PASK: variants seen among roughly 807,000 people sequenced by gnomAD.
The protein encoded by PASK is PAS domain-containing serine/threonine-protein kinase.
Under a neutral mutation model 121.0 loss-of-function variants are expected in PASK, and 110 were observed. That is an observed-to-expected ratio of 0.91 (90% CI 0.78 to 1.06). The LOEUF (loss-of-function observed/expected upper bound fraction) is 1.06. Ranked by LOEUF, PASK falls within the 50% of genes least tolerant of loss-of-function variation. PASK has a pLI of 0.00. For missense variants in PASK, 1,643 were observed against 1,702.3 expected (o/e 0.97, Z 0.61); for synonymous variants, 686 against 717.8 (o/e 0.96, Z 0.71).
chr2:241,135,380 T>G (rs1327194217), intron 8 of PASK, among the ~76,000 whole-genome samples: 1 of 152,030 alleles, frequency 6.6e-6, no homozygotes, highest in Non-Finnish European at 1.5e-5. Context: ...CGCAGGTGCA[T>G]GGAAAGTCAG....
At position 241,138,811 on chromosome 2, in the gene PASK, G is replaced by C. The variant is rs764244237; in HGVS notation, c.601-17C>G. On this transcript the variant is annotated splice_polypyrimidine_tract_variant and intron_variant, in intron 4 of 17. Transcript: ENST00000234040. ...GATGTCCACCTGTGGAAACAGACAG[G>C]TTCACACCTGCATGCCATGAACCCA... 1 of 1,613,340 alleles carries C rather than the reference G, an allele frequency of 6.2e-7. No homozygotes were observed. The highest frequency in any genetic ancestry group is 1.3e-5 in the African/African-American group (1 of 74,938).
rs1454068115 is a variant in PASK, at chr2:241,133,050, A to C, written c.1307-20T>G. 6 of 1,613,678 alleles carry C rather than the reference A, an allele frequency of 3.7e-6. No homozygotes were observed. Among genetic ancestry groups the C allele is most frequent in the Non-Finnish European group, 5.1e-6 (6 of 1,179,706 alleles). On this transcript the variant is annotated intron_variant, in intron 8 of 17. Transcript: ENST00000234040. ...TTGGATCTGGCAGCAACACCAAAAAAGAGCGTTTGCTCTTCACAGGCACTC... is the reference window on the plus strand; with the variant it reads ...TTGGATCTGGCAGCAACACCAAAAACGAGCGTTTGCTCTTCACAGGCACTC...
At chr2:241,114,800 A>C in intron 14 of PASK, 2 of 1,428,558 alleles carry the variant, frequency 1.4e-6, no homozygotes, top group Non-Finnish European at 1.8e-6. Flanking sequence ...TTAACCATTA[A>C]ACATACTTTC....
intron 15 of PASK, among the ~76,000 whole-genome samples, chr2:241,110,641 T>G (rs74000384): frequency 0.036 from 5,440 of 152,136 alleles, 337 homozygotes; most frequent in African/African-American, 0.12. Context: ...CTCGCCCAGG[T>G]TGGATCCCCC....
intron 15 of PASK, chr2:241,109,126 T>C (rs368712029): frequency 2.0e-5 from 3 of 152,098 alleles, no homozygotes; most frequent in Non-Finnish European, 4.4e-5. Flanking sequence ...TCCTCATCCA[T>C]GCTACCATTT....
At chr2:241,145,332 C>T (rs2066904279) in intron 1 of PASK, among the ~76,000 whole-genome samples, 2 of 152,126 alleles carry the variant, frequency 1.3e-5, no homozygotes, top group Admixed American at 6.5e-5. Flanking sequence ...AAACACTAAA[C>T]TTTTTAGCCA....
chr2:241,126,843 G>A lies in PASK; in HGVS notation c.2072C>T (p.Thr691Ile), dbSNP rs1014092729. 6.2e-7 allele frequency: 1 copy of A among 1,612,854 alleles called. No homozygotes were observed. Among genetic ancestry groups the A allele is most frequent in the Admixed American group, 1.7e-5 (1 of 59,994 alleles). The change falls in exon 10 of 18, where the codon ACC (threonine) becomes ATC (isoleucine). Residue 691 changes from threonine (T) to isoleucine (I), a missense_variant. Transcript: ENST00000234040. ...ELVPTECQAVTAPVSSCDLGG... is the reference protein window; with the variant it reads ...ELVPTECQAVIAPVSSCDLGG... ...CAGATCGCAGGACGACACAGGAGCG[G>A]TGACAGCCTGGCACTCTGTCGGAAC... is the stretch of plus-strand genomic sequence containing the variant.
intron 1 of PASK, among the ~76,000 whole-genome samples, chr2:241,144,856 G>C (rs2066881644): frequency 6.6e-6 from 1 of 152,186 alleles, no homozygotes; most frequent in Non-Finnish European, 1.5e-5. Context: ...TGGTGTTCTT[G>C]ACCTGCAGCT....
At chr2:241,149,686 C>T (rs1171015372), upstream of PASK, 3 of 1,549,714 alleles carry the variant, frequency 1.9e-6, no homozygotes, top group South Asian at 3.6e-5. Context: ...ATGCGGTTTC[C>T]TCCCGACTCG....
At chr2:241,107,815 T>C (rs1165355967) in intron 16 of PASK, among the ~76,000 whole-genome samples, 1 of 151,910 alleles carries the variant, frequency 6.6e-6, no homozygotes, top group African/African-American at 2.4e-5. Context: ...ACATGACAGG[T>C]GAGGGGATGC....
At chr2:241,149,648 T>C, upstream of PASK, 4 of 1,541,114 alleles carry the variant, frequency 2.6e-6, no homozygotes, top group East Asian at 2.4e-5. Flanking sequence ...AAAGGAATAA[T>C]GGGCGCCTCC....
At chr2:241,118,787 C>A in intron 12 of PASK, 1 of 395,492 alleles carries the variant, frequency 2.5e-6, no homozygotes, top group Non-Finnish European at 4.0e-6. Context: ...GGGCAGACAG[C>A]CTGGCCAAGG....
In PASK at chr2:241,108,731, C is replaced by T. The variant is rs527472252; in HGVS notation, c.3534-431G>A. ...TGTTCACGATCTTGGTGTGAACGGG[C>T]TTGGTGTGACCATGGACACACATGC... On this transcript the variant is annotated intron_variant, in intron 15 of 17. Transcript: ENST00000234040. This position sits in a 1 kb window ranked among gnomAD's most constrained non-coding sequence, Gnocchi z 5.2. The T allele has an allele frequency of 1.2e-5, 4 of 328,888 alleles. No homozygotes were observed. In the East Asian group the frequency reaches 3.1e-4, roughly 26 times the overall value. 20.4% of individuals were successfully genotyped at this position (328,888 alleles called of 1,614,324 possible). A position where few individuals can be genotyped will look rare whatever the true frequency, so the allele number is the denominator to read the frequency against.
rs757451606 is a variant in PASK at position 241,115,431 on chromosome 2, C to G, written c.3073-18G>C. On this transcript the variant is annotated intron_variant, in intron 12 of 17. Transcript: ENST00000234040. The stretch of plus-strand genomic sequence containing the variant: ...ACCACCACCTGTGAGGAAGACAGAG[C>G]GTAGTGGAAATAGCTGGAGCCAGTC... 3.7e-6 allele frequency: 6 copies of G among 1,613,564 alleles called. No homozygotes were observed. In the East Asian group the frequency reaches 1.3e-4, roughly 36 times the overall value.
Position 241,108,463 on chromosome 2 carries a change from G to A in PASK, c.3534-163C>T, listed in dbSNP as rs1214810752. 19 of 727,140 alleles carry A rather than the reference G, an allele frequency of 2.6e-5. No homozygotes were observed. Among genetic ancestry groups the A allele is most frequent in the Admixed American group, 1.4e-4 (7 of 48,958 alleles). The allele number at this position is 727,140 out of a possible 1,614,324, so 45.0% of individuals were successfully genotyped here. A position where few individuals can be genotyped will look rare whatever the true frequency, so the allele number is the denominator to read the frequency against. ...CCTCAAACACGCCCTCCATTTCCACGCACTTCTGCCCCAGGCCAGCCAGCA... is the reference window on the plus strand; with the variant it reads ...CCTCAAACACGCCCTCCATTTCCACACACTTCTGCCCCAGGCCAGCCAGCA... On this transcript the variant is annotated intron_variant, in intron 15 of 17. Coordinates refer to ENST00000234040, the MANE Select transcript of PASK (RefSeq NM_015148.4). The surrounding 1 kb of genome is among the most constrained non-coding windows in gnomAD (Gnocchi z 5.2).
intron 14 of PASK, among the ~76,000 whole-genome samples, chr2:241,113,008 G>A (rs767559335): frequency 1.3e-5 from 2 of 152,184 alleles, no homozygotes; most frequent in Non-Finnish European, 2.9e-5. Flanking sequence ...CCAAATGTGT[G>A]GCTACTCAAT....
intron 9 of PASK, among the ~76,000 whole-genome samples, chr2:241,130,786 A>G (rs1402260104): frequency 6.7e-6 from 1 of 148,972 alleles, no homozygotes; most frequent in African/African-American, 2.4e-5. Flanking sequence ...AAAGTGGCCC[A>G]TGAGCTAGGG....
At position 241,112,393 on chromosome 2, in the gene PASK, C is replaced by A. The variant is rs370099607; in HGVS notation, c.3380G>T (p.Arg1127Leu). The A allele has an allele frequency of 3.1e-6, 5 of 1,613,504 alleles. No homozygotes were observed. The African/African-American group carries it at 6.7e-5, about 22-fold the overall frequency. ...CACGATGTTCTCATCCTTGATGTCA[C>A]GGTGGATGATGTCCTTCAAGCGCAG... ...GYLRLKDIIHRDIKDENIVIA... is the reference protein window; with the variant it reads ...GYLRLKDIIHLDIKDENIVIA... The change falls in exon 15 of 18, where the codon CGT becomes CTT. Residue 1127 changes from arginine (R) to leucine (L), a missense_variant. This residue lies in a region of PASK where 453 missense variants were observed against 511.2 expected (regional missense o/e 0.89). Coordinates refer to ENST00000234040, the MANE Select transcript of PASK (RefSeq NM_015148.4). The surrounding 1 kb of genome is among the most constrained non-coding windows in gnomAD (Gnocchi z 5.2).
At chr2:241,142,159 T>A (rs1205891787) in intron 2 of PASK, among the ~76,000 whole-genome samples, 2 of 151,398 alleles carry the variant, frequency 1.3e-5, no homozygotes, top group African/African-American at 4.9e-5. Context: ...CAAGCTCAGC[T>A]CCAACACCCT....
Sources: allele counts gnomAD v4.1 joint callset (sites outside exome capture counted in the v4.1 genomes callset), GRCh38; gene constraint gnomAD v4.1.1; regional missense constraint gnomAD v4.1.1; non-coding constraint Gnocchi (gnomAD v3.1); transcripts MANE v1.5; gene names NCBI Gene and HGNC (gene_info 2026-07-23, HGNC 2026-07-21).